The following RUFY4 variants were observed in gnomAD, a reference collection of about 807,000 sequenced individuals.
RUFY4 encodes the protein RUN and FYVE domain containing 4, also known as RUN and FYVE domain-containing protein 4.
Under a neutral mutation model 69.0 loss-of-function variants are expected in RUFY4, and 73 were observed. That is an observed-to-expected ratio of 1.06 (90% CI 0.88 to 1.29). RUFY4 has a LOEUF of 1.29. RUFY4 is among the 50% of genes most tolerant of loss of function. RUFY4 has a pLI of 0.00. For missense variants in RUFY4, 770 were observed against 705.6 expected (o/e 1.09, Z -1.03); for synonymous variants, 287 against 271.8 (o/e 1.06, Z -0.55).
chr2:218,061,035 T>A (rs774500217), intron 3 of RUFY4: 1 of 696,710 alleles, frequency 1.4e-6, no homozygotes, highest in East Asian at 3.0e-5. Flanking sequence ...ACCGTAGAAG[T>A]TGACTTCCTT....
chr2:218,067,666 C>G (rs1689375306), upstream of RUFY4, among the ~76,000 whole-genome samples: 1 of 152,176 alleles, frequency 6.6e-6, no homozygotes, highest in Non-Finnish European at 1.5e-5. Flanking sequence ...CGCTTAGAAA[C>G]CAGCTCATCT....
At chr2:218,079,451 G>A (rs1362923149) in intron 8 of RUFY4, among the ~76,000 whole-genome samples, 1 of 152,230 alleles carries the variant, frequency 6.6e-6, no homozygotes, top group Non-Finnish European at 1.5e-5. Context: ...AAGTGTGTGG[G>A]CTGTGGCAGG....
intron 8 of RUFY4, among the ~76,000 whole-genome samples, chr2:218,077,068 A>G (rs951224768): frequency 6.6e-6 from 1 of 151,612 alleles, no homozygotes; most frequent in Admixed American, 6.6e-5. Flanking sequence ...GTTCTATAGA[A>G]CCCCCATTTT....
At chr2:218,079,270 C>G (rs934663423) in intron 8 of RUFY4, among the ~76,000 whole-genome samples, 2 of 152,170 alleles carry the variant, frequency 1.3e-5, no homozygotes, top group African/African-American at 4.8e-5. Flanking sequence ...AGTTGGGGTG[C>G]TCAGACTGGG....
chr2:218,060,063 T>TCGGCGG, intron 3 of RUFY4: 1 of 273,864 alleles, frequency 3.7e-6, no homozygotes, highest in Non-Finnish European at 7.4e-6. Flanking sequence ...AGTGTAGATT[T>TCGGCGG]TCACTTCTTA....
chr2:218,048,218 G>T (rs1369002181), intron 2 of RUFY4, among the ~76,000 whole-genome samples: 1 of 152,056 alleles, frequency 6.6e-6, no homozygotes, highest in African/African-American at 2.4e-5. Context: ...TTTTTTACAC[G>T]ATTGCTGACC....
At chr2:218,075,735 A>T (rs757531329) in exon 7 of RUFY4, 1 of 1,438,438 alleles carries the variant, frequency 7.0e-7, no homozygotes, top group Admixed American at 2.6e-5. Flanking sequence ...GCAGGACGAG[A>T]TCAAGGTGAG....
exon 11 of RUFY4, chr2:218,090,039 A>T: frequency 6.5e-7 from 1 of 1,547,988 alleles, no homozygotes; most frequent in Non-Finnish European, 8.7e-7. Flanking sequence ...AGGGAAGAGA[A>T]GCCCAGGTCA....
chr2:218,082,890 T>C (rs1048285911), intron 8 of RUFY4, among the ~76,000 whole-genome samples: 7 of 69,662 alleles, frequency 1.0e-4, no homozygotes, highest in Non-Finnish European at 1.6e-4. Context: ...TTCTGTGTTG[T>C]GCGTATGTGT....
At chr2:218,047,769 G>A (rs1299640515) in intron 2 of RUFY4, among the ~76,000 whole-genome samples, 3 of 152,038 alleles carry the variant, frequency 2.0e-5, no homozygotes, top group African/African-American at 7.2e-5. Context: ...CTTTAATAAC[G>A]AGCCTAAAGT....
chr2:218,070,308 C>A (rs1165275784), upstream of RUFY4: 3 of 439,792 alleles, frequency 6.8e-6, no homozygotes, highest in African/African-American at 2.0e-5. Context: ...GAGTTAATAA[C>A]CTCCAGGATT....
At chr2:218,074,985 C>A (rs567694285) in intron 6 of RUFY4, 108 bp from the exon 9 acceptor site, 1 of 1,195,646 alleles carries the variant, frequency 8.4e-7, no homozygotes, top group Admixed American at 2.9e-5. Context: ...GGACCTGGTA[C>A]CTATCTATTT....
At chr2:218,077,945 G>A (rs1476479599) in intron 8 of RUFY4, among the ~76,000 whole-genome samples, 2 of 152,196 alleles carry the variant, frequency 1.3e-5, no homozygotes, top group Non-Finnish European at 2.9e-5. Context: ...ATAGAGAGAT[G>A]GCCTGGCCCT....
chr2:218,073,705 G>A, intron 5 of RUFY4, 111 bp from the exon 8 acceptor site: 1 of 1,172,740 alleles, frequency 8.5e-7, no homozygotes, highest in South Asian at 1.4e-5. Context: ...GCAGGAAGGA[G>A]GAAGTGTCAT....
rs372227560 is a variant in RUFY4 at position 218,076,488 on chromosome 2, G to C, written c.1310G>C (p.Arg437Thr). The change falls in exon 8 of 11, where the codon AGG (arginine) becomes ACG (threonine). Residue 437 changes from arginine to threonine, a missense_variant. Transcript: ENST00000344321. ...GCCCAGCGCCAGGAGCAGCTGCTGAGGGAGCAGGAGGGGGAGCTGCAGGCA... is the reference window on the plus strand; with the variant it reads ...GCCCAGCGCCAGGAGCAGCTGCTGACGGAGCAGGAGGGGGAGCTGCAGGCA... 4.7e-5 allele frequency: 73 copies of C among 1,551,136 alleles called. No homozygotes were observed. In the African/African-American group the frequency reaches 8.5e-4, roughly 18 times the overall value.
chr2:218,077,524 C>A (rs1235352369), intron 8 of RUFY4, among the ~76,000 whole-genome samples: 2 of 152,332 alleles, frequency 1.3e-5, no homozygotes, highest in South Asian at 4.1e-4. Flanking sequence ...TTTTTAAAGT[C>A]TCTTCTCACT....
intron 2 of RUFY4, among the ~76,000 whole-genome samples, chr2:218,049,162 C>G (rs914174480): frequency 6.6e-6 from 1 of 152,150 alleles, no homozygotes; most frequent in Admixed American, 6.5e-5. Flanking sequence ...AGTTTCCACA[C>G]CATTCCAAAT....
At chr2:218,090,032 G>A (rs753069545) in exon 11 of RUFY4, 4 of 1,554,492 alleles carry the variant, frequency 2.6e-6, no homozygotes, top group East Asian at 2.4e-5. Context: ...TGCGCCCAGG[G>A]AAGAGAAGCC....
exon 2 of RUFY4, chr2:218,070,784 G>A (rs959820393): frequency 1.3e-6 from 2 of 1,537,216 alleles, no homozygotes; most frequent in East Asian, 4.9e-5. Flanking sequence ...AGGGCTATGG[G>A]GATGGGCAGG....
Sources: allele counts gnomAD v4.1 joint callset (sites outside exome capture counted in the v4.1 genomes callset), GRCh38; gene constraint gnomAD v4.1.1; transcripts MANE v1.5; gene names NCBI Gene and HGNC (gene_info 2026-07-23, HGNC 2026-07-21).